SOX6: variants seen among roughly 807,000 people sequenced by gnomAD.
SOX6 encodes transcription factor SOX-6.
A neutral mutation model predicts 97.8 loss-of-function variants in SOX6; 11 were observed. The ratio of observed to expected loss-of-function variants is 0.11; its 90% CI spans 0.07 to 0.19. The LOEUF (loss-of-function observed/expected upper bound fraction) is 0.19, where lower values mean the gene tolerates loss of function less well. Ranked by LOEUF, SOX6 falls within the 10% of genes least tolerant of loss-of-function variation. SOX6 has a pLI of 1.00. For missense variants in SOX6, 810 were observed against 1,039.5 expected (o/e 0.78, Z 3.04); for synonymous variants, 360 against 371.4 (o/e 0.97, Z 0.35).
intron 7 of SOX6, among the ~76,000 whole-genome samples, chr11:16,098,296 A>T (rs1236595652): frequency 6.6e-6 from 1 of 151,822 alleles, no homozygotes; most frequent in Non-Finnish European, 1.5e-5. Context: ...CTGGTACTGT[A>T]CTGGTGGATC....
intron 4 of SOX6, among the ~76,000 whole-genome samples, chr11:16,207,935 T>C (rs1852119004): frequency 6.6e-6 from 1 of 152,138 alleles, no homozygotes; most frequent in Non-Finnish European, 1.5e-5. Context: ...TATATTGATA[T>C]TGTATAATAG....
chr11:16,089,425 C>G (rs186938628), intron 9 of SOX6, among the ~76,000 whole-genome samples: 71 of 152,142 alleles, frequency 4.7e-4, no homozygotes, highest in Admixed American at 1.2e-3. Context: ...CACATAGCAC[C>G]TGATACATAT....
intron 12 of SOX6, among the ~76,000 whole-genome samples, chr11:16,030,947 G>A (rs1310189918): frequency 1.3e-5 from 2 of 152,186 alleles, no homozygotes; most frequent in Non-Finnish European, 2.9e-5. Flanking sequence ...TCCCTTCTGG[G>A]CAGAAATCAG....
intron 1 of SOX6, among the ~76,000 whole-genome samples, chr11:16,352,150 G>A (rs533542316): frequency 2.0e-5 from 3 of 152,028 alleles, no homozygotes; most frequent in South Asian, 2.1e-4. Context: ...TATTTTAAAA[G>A]TTCTGCATAT....
chr11:15,988,807 A>C (rs182960530), intron 14 of SOX6, among the ~76,000 whole-genome samples, 190 bp downstream of exon 14: 1 of 152,202 alleles, frequency 6.6e-6, no homozygotes, highest in African/African-American at 2.4e-5. Context: ...CCAAACCTAC[A>C]TGCCACATTA....
At chr11:16,384,355 T>A (rs1857915061) in intron 1 of SOX6, among the ~76,000 whole-genome samples, 2 of 151,818 alleles carry the variant, frequency 1.3e-5, no homozygotes. Context: ...CCTGTTCAAA[T>A]CACCTCCATG....
intron 1 of SOX6, among the ~76,000 whole-genome samples, chr11:16,437,268 C>T (rs1859395697): frequency 7.5e-6 from 1 of 133,444 alleles, no homozygotes; most frequent in South Asian, 2.8e-4. Flanking sequence ...AACCCTGTCT[C>T]TATTTTTTTT....
chr11:16,600,489 C>G (rs1388195972), intron 4 of SOX6, among the ~76,000 whole-genome samples: 2 of 152,134 alleles, frequency 1.3e-5, no homozygotes, highest in Non-Finnish European at 2.9e-5. Flanking sequence ...TTTTTTAAGA[C>G]TACCACAGAT....
At chr11:16,247,775 C>T (rs745340929) in intron 3 of SOX6, among the ~76,000 whole-genome samples, 97 of 152,226 alleles carry the variant, frequency 6.4e-4, no homozygotes, top group Non-Finnish European at 8.2e-4. Flanking sequence ...CAAACCATAT[C>T]ATTTTGCCCC....
chr11:16,219,440 C>T (rs1473122662), intron 4 of SOX6, among the ~76,000 whole-genome samples: 1 of 151,970 alleles, frequency 6.6e-6, no homozygotes, highest in Non-Finnish European at 1.5e-5. Flanking sequence ...CGAATGAGTG[C>T]ATTTTTTAAA....
intron 3 of SOX6, among the ~76,000 whole-genome samples, chr11:16,636,267 C>A (rs1006156045): frequency 1.3e-5 from 2 of 152,184 alleles, no homozygotes; most frequent in African/African-American, 4.8e-5. Flanking sequence ...ATCAGCAATA[C>A]CTGGATGTGA....
chr11:16,711,435 A>G (rs72862529), intron 3 of SOX6, among the ~76,000 whole-genome samples: 15,861 of 152,140 alleles, frequency 0.1, 905 homozygotes, highest in Non-Finnish European at 0.13. Flanking sequence ...AGATGGGAGG[A>G]TCACTTGAGC....
intron 3 of SOX6, among the ~76,000 whole-genome samples, chr11:16,262,596 G>A (rs893475765): frequency 2.0e-5 from 3 of 152,078 alleles, no homozygotes; most frequent in African/African-American, 7.2e-5. Flanking sequence ...TGTCACAAGG[G>A]TGATAGTATC....
chr11:16,708,282 A>G (rs1317049751), intron 3 of SOX6, among the ~76,000 whole-genome samples: 1 of 152,192 alleles, frequency 6.6e-6, no homozygotes, highest in African/African-American at 2.4e-5. Flanking sequence ...TTGCCAAGAA[A>G]TATATGTGCC....
chr11:16,638,383 T>C (rs1467759451), intron 3 of SOX6, among the ~76,000 whole-genome samples: 1 of 152,156 alleles, frequency 6.6e-6, no homozygotes, highest in Admixed American at 6.5e-5. Flanking sequence ...CATGTGTCTT[T>C]ATAGCAGCAT....
At chr11:16,143,046 T>C (rs181466989) in intron 6 of SOX6, among the ~76,000 whole-genome samples, 3,863 of 152,056 alleles carry the variant, frequency 0.025, 168 homozygotes, top group African/African-American at 0.088. Flanking sequence ...AGACACATAA[T>C]TGTCAGATTC....
At chr11:16,055,634 T>TG in intron 10 of SOX6, 118 bp downstream of exon 10, 2 of 1,185,798 alleles carry the variant, frequency 1.7e-6, no homozygotes, top group South Asian at 2.6e-5. Context: ...AGGGACATTT[T>TG]GGGGTTGCTT....
intron 9 of SOX6, among the ~76,000 whole-genome samples, chr11:16,088,471 A>G (rs1326121738): frequency 6.6e-6 from 1 of 152,052 alleles, no homozygotes; most frequent in African/African-American, 2.4e-5. Flanking sequence ...CCCTCTCCTC[A>G]TCCTAAATCC....
At position 16,516,135 on chromosome 11, in the gene SOX6, G is replaced by T. The variant is rs1590230022; in HGVS notation, n.610-39747C>A. Among the ~76,000 whole-genome samples the T allele has an allele frequency of 6.0e-5, 9 of 149,224 alleles. No homozygotes were observed. In the South Asian group the frequency reaches 2.0e-3, roughly 33 times the overall value. ...TGGCATTGAATCTGTAAATTACCTT[G>T]GGCAGTATGGCCATTTTCATGATAT... On this transcript the variant is annotated intron_variant and non_coding_transcript_variant, in intron 4 of 5. Coordinates refer to the SOX6 transcript ENST00000524520.
Sources: allele counts gnomAD v4.1 joint callset (sites outside exome capture counted in the v4.1 genomes callset), GRCh38; gene constraint gnomAD v4.1.1; transcripts MANE v1.5; gene names NCBI Gene and HGNC (gene_info 2026-07-23, HGNC 2026-07-21).